The following ALKBH8 variants were observed in gnomAD, a reference collection of about 807,000 sequenced individuals.
ALKBH8 encodes the protein alkB homolog 8, tRNA methyltransferase.
A neutral mutation model predicts 59.8 loss-of-function variants in ALKBH8; 36 were observed. The ratio of observed to expected loss-of-function variants is 0.60; its 90% CI spans 0.46 to 0.79. The LOEUF is 0.79. Ranked by LOEUF, ALKBH8 falls within the 30% of genes least tolerant of loss-of-function variation. ALKBH8 has a pLI of 0.00. For missense variants in ALKBH8, 768 were observed against 801.0 expected (o/e 0.96, Z 0.50); for synonymous variants, 276 against 273.6 (o/e 1.01, Z -0.09).
At chr11:107,526,521 A>C (rs988329090) in intron 8 of ALKBH8, among the ~76,000 whole-genome samples, 11 of 151,850 alleles carry the variant, frequency 7.2e-5, no homozygotes, top group African/African-American at 2.7e-4. Flanking sequence ...TTTTCTCTCC[A>C]TGTGTGGCTG....
intron 7 of ALKBH8, among the ~76,000 whole-genome samples, chr11:107,535,903 C>A (rs938612304): frequency 4.6e-5 from 7 of 152,078 alleles, no homozygotes; most frequent in Non-Finnish European, 8.8e-5. Context: ...AGAAAGAAGA[C>A]AATGGTGTTC....
At chr11:107,526,354 T>G (rs1863355601) in intron 8 of ALKBH8, among the ~76,000 whole-genome samples, 2 of 152,136 alleles carry the variant, frequency 1.3e-5, no homozygotes, top group South Asian at 4.1e-4. Flanking sequence ...AAGTTATTAT[T>G]TATCTAATGA....
intron 10 of ALKBH8, among the ~76,000 whole-genome samples, chr11:107,513,350 C>T (rs530409646): frequency 1.3e-5 from 2 of 152,204 alleles, no homozygotes; most frequent in South Asian, 4.1e-4. Flanking sequence ...CAATGAGATA[C>T]CATCTCAGAC....
At chr11:107,532,161 G>GA (rs1863621125) in intron 8 of ALKBH8, 139 bp downstream of exon 8, 7 of 561,638 alleles carry the variant, frequency 1.2e-5, no homozygotes, top group Non-Finnish European at 2.1e-5. Flanking sequence ...TAACAAAAAC[G>GA]AAACTAGATA....
At position 107,565,734 on chromosome 11, in the gene ALKBH8, C is replaced by T; in HGVS notation, c.-140G>A. On this transcript the variant is annotated 5_prime_UTR_variant, in exon 1 of 12. Transcript: ENST00000428149. ...CTGGGCGCGGCCATGTTGGAGAAAA[C>T]TGCACTACATTTCCCATGAGCCCGC... is the stretch of plus-strand genomic sequence containing the variant. 2.1e-6 allele frequency: 3 copies of T among 1,460,890 alleles called. No individual in the cohort carries two copies. The highest frequency in any genetic ancestry group is 2.0e-5 in the Admixed American group (1 of 50,908). The allele number at this position is 1,460,890 out of a possible 1,614,324, so 90.5% of individuals were successfully genotyped here.
At chr11:107,532,596 A>T (rs1175572260) in intron 7 of ALKBH8, among the ~76,000 whole-genome samples, 190 bp from the exon 8 acceptor site, 1 of 152,224 alleles carries the variant, frequency 6.6e-6, no homozygotes, top group Non-Finnish European at 1.5e-5. Context: ...GACAAAAAAA[A>T]GGTATTTCAT....
intron 7 of ALKBH8, among the ~76,000 whole-genome samples, chr11:107,542,521 A>T (rs980388165): frequency 8.5e-5 from 13 of 152,222 alleles, no homozygotes; most frequent in Non-Finnish European, 1.5e-5. Flanking sequence ...GACGTCAGTT[A>T]TATCTCCACA....
chr11:107,512,495 T>G (rs1168064167), intron 10 of ALKBH8, among the ~76,000 whole-genome samples: 1 of 152,026 alleles, frequency 6.6e-6, no homozygotes. Flanking sequence ...TTATTTTTTG[T>G]AGAGATGGGG....
In ALKBH8 at chr11:107,532,317, T is replaced by A; in HGVS notation, c.861A>T (p.Arg287Ser). The change falls in exon 8 of 12, where the codon AGA (arginine) becomes AGT (serine). Residue 287 changes from arginine to serine, a missense_variant. Coordinates refer to ENST00000428149, the MANE Select transcript of ALKBH8 (RefSeq NM_138775.3). ...ATACATACCCATGGGTCCAAAGGTATCTAGATTCTCCTGTCATCACCAGCA... is the reference window on the plus strand; with the variant it reads ...ATACATACCCATGGGTCCAAAGGTAACTAGATTCTCCTGTCATCACCAGCA... The part of the protein sequence containing the change: ...RSLLVMTGES[R>S]YLWTHGITCR... 1 of 1,613,338 alleles carries A rather than the reference T, an allele frequency of 6.2e-7. No individual in the cohort carries two copies. Among genetic ancestry groups the A allele is most frequent in the Non-Finnish European group, 8.5e-7 (1 of 1,179,478 alleles).
chr11:107,520,091 G>C (rs1863044487), intron 10 of ALKBH8, among the ~76,000 whole-genome samples: 1 of 152,168 alleles, frequency 6.6e-6, no homozygotes, highest in African/African-American at 2.4e-5. Context: ...TTTTGAGGTT[G>C]TCACATTCCT....
rs1248183834 is a variant in ALKBH8, at chr11:107,551,860, G to A, written c.648C>T (p.Tyr216=). 1.3e-6 allele frequency: 2 copies of A among 1,559,512 alleles called. No individual in the cohort carries two copies. Among genetic ancestry groups the A allele is most frequent in the Non-Finnish European group, 1.7e-6 (2 of 1,158,478 alleles). Residue 216 remains tyrosine, a synonymous_variant, in exon 6 of 12, where the codon TAC becomes TAT. Coordinates refer to ENST00000428149, the MANE Select transcript of ALKBH8 (RefSeq NM_138775.3). ...SFLEKWLRKG[Y]IKHKPDQMTI... is the part of the protein sequence containing the mutation. The stretch of plus-strand genomic sequence containing the variant: ...TCATTTGATCAGGTTTATGTTTAAT[G>A]TAACCTTTCCTCAACCATTTCTCCA...
At chr11:107,505,904 G>A (rs1405938855) in intron 11 of ALKBH8, among the ~76,000 whole-genome samples, 1 of 152,188 alleles carries the variant, frequency 6.6e-6, no homozygotes, top group Non-Finnish European at 1.5e-5. Context: ...AGCAGCTGAG[G>A]GACAGAGTCA....
At position 107,553,040 on chromosome 11, in the gene ALKBH8, A is replaced by G. The variant is rs1035933450; in HGVS notation, c.595+68T>C. On this transcript the variant is annotated intron_variant, in intron 5 of 11. Coordinates refer to ENST00000428149, the MANE Select transcript of ALKBH8 (RefSeq NM_138775.3). Reference sequence around the variant, plus strand: ...ATGACAAAAGAAACATAATCCCCCAACTATCATATTCTACTAATATATTAA... The same window carrying G: ...ATGACAAAAGAAACATAATCCCCCAGCTATCATATTCTACTAATATATTAA... 2.4e-5 allele frequency: 22 copies of G among 921,226 alleles called. No homozygotes were observed. In the African/African-American group the frequency reaches 3.8e-4, roughly 16 times the overall value. 57.1% of individuals were successfully genotyped at this position (921,226 alleles called of 1,614,324 possible). A position where few individuals can be genotyped will look rare whatever the true frequency, so the allele number is the denominator to read the frequency against.
rs139139241 is a variant in ALKBH8 at position 107,530,247 on chromosome 11, G to C, written c.878+2053C>G. 2.1e-3 allele frequency among the ~76,000 whole-genome samples: 322 copies of C among 152,234 alleles called. 2 individuals are homozygous for C. The highest frequency in any genetic ancestry group is 7.4e-3 in the African/African-American group (309 of 41,544). On this transcript the variant is annotated intron_variant, in intron 8 of 11. Coordinates refer to ENST00000428149, the MANE Select transcript of ALKBH8 (RefSeq NM_138775.3). ...GATTTAAGGTATGATGGCTAGAATA[G>C]TAAATTTGAACTTGAACAAATAAAA...
intron 11 of ALKBH8, among the ~76,000 whole-genome samples, chr11:107,509,281 T>C (rs1422644289): frequency 6.6e-6 from 1 of 152,252 alleles, no homozygotes; most frequent in Non-Finnish European, 1.5e-5. Flanking sequence ...TATCTTTTCA[T>C]GTGCTCATTG....
Position 107,562,214 on chromosome 11 carries a change from G to A in ALKBH8, c.-6-1315C>T, listed in dbSNP as rs190789971. Among the ~76,000 whole-genome samples the A allele has an allele frequency of 1.8e-4, 28 of 151,514 alleles. No individual in the cohort carries two copies. The East Asian group carries it at 3.3e-3, about 18-fold the overall frequency. On this transcript the variant is annotated intron_variant, in intron 1 of 11. Coordinates refer to ENST00000428149, the MANE Select transcript of ALKBH8 (RefSeq NM_138775.3). Reference sequence around the variant, plus strand: ...CTTGGGAGGCTGAGGCACGAGAATCGCTTGAACCCGGGAGGCAGAGGTTGC... The same window carrying A: ...CTTGGGAGGCTGAGGCACGAGAATCACTTGAACCCGGGAGGCAGAGGTTGC...
At chr11:107,525,303 A>G in intron 9 of ALKBH8, 138 bp downstream of exon 9, 4 of 676,214 alleles carry the variant, frequency 5.9e-6, no homozygotes, top group Non-Finnish European at 8.8e-6. Flanking sequence ...AAGTGCATGA[A>G]AGTGCAATAC....
intron 10 of ALKBH8, among the ~76,000 whole-genome samples, chr11:107,517,142 CA>C (rs1387326353): frequency 6.6e-6 from 1 of 152,146 alleles, no homozygotes; most frequent in African/African-American, 2.4e-5. Context: ...AAAAGACATA[CA>C]AATGGCCAAG....
At chr11:107,559,026 G>T (rs886268431) in intron 2 of ALKBH8, among the ~76,000 whole-genome samples, 2 of 152,150 alleles carry the variant, frequency 1.3e-5, no homozygotes, top group African/African-American at 4.8e-5. Context: ...TTGAATCATG[G>T]GGGCCATTTC....
Sources: allele counts gnomAD v4.1 joint callset (sites outside exome capture counted in the v4.1 genomes callset), GRCh38; gene constraint gnomAD v4.1.1; transcripts MANE v1.5; gene names NCBI Gene and HGNC (gene_info 2026-07-23, HGNC 2026-07-21).